Variants in ACSF2 observed in about 807,000 individuals in gnomAD.
ACSF2 encodes the protein medium-chain acyl-CoA ligase ACSF2, mitochondrial.
Under a neutral mutation model 79.3 loss-of-function variants are expected in ACSF2, and 52 were observed. That is an observed-to-expected ratio of 0.66 (90% CI 0.53 to 0.83). The LOEUF (loss-of-function observed/expected upper bound fraction) is 0.83. Among genes scored for constraint, ACSF2 ranks in the 40% least tolerant of loss-of-function variants. The pLI, the probability that ACSF2 is intolerant of heterozygous loss-of-function variation, is 0.00. For synonymous variants in ACSF2, 283 were observed against 312.6 expected (o/e 0.91, Z 1.00); for missense variants, 661 against 803.3 (o/e 0.82, Z 2.14).
chr17:50,474,491 C>A lies in ACSF2; in HGVS notation c.1798-11C>A. ...CAGCTGGTAACCCTAACTCCATTTT[C>A]TTTCCTCTAGATCCAGAAATTCAAA... On this transcript the variant is annotated splice_polypyrimidine_tract_variant and intron_variant, in intron 15 of 15. Transcript: ENST00000300441. This position sits in a 1 kb window ranked among gnomAD's most constrained non-coding sequence, Gnocchi z 4.2. 1.2e-6 allele frequency: 2 copies of A among 1,613,972 alleles called. No individual in the cohort carries two copies. Among genetic ancestry groups the A allele is most frequent in the Non-Finnish European group, 1.7e-6 (2 of 1,179,842 alleles).
At chr17:50,450,916 A>T (rs2031631658) in intron 1 of ACSF2, among the ~76,000 whole-genome samples, 1 of 151,930 alleles carries the variant, frequency 6.6e-6, no homozygotes, top group Non-Finnish European at 1.5e-5. Flanking sequence ...TGCTGCTGTA[A>T]ACATTCATGT....
intron 1 of ACSF2, among the ~76,000 whole-genome samples, chr17:50,453,076 G>A (rs781156550): frequency 6.6e-6 from 1 of 152,140 alleles, no homozygotes; most frequent in African/African-American, 2.4e-5. Context: ...TGGCTGTAAC[G>A]TTGAGGCAGT....
chr17:50,455,774 A>C (rs2031954126), intron 1 of ACSF2, among the ~76,000 whole-genome samples: 1 of 152,214 alleles, frequency 6.6e-6, no homozygotes, highest in Admixed American at 6.5e-5. Flanking sequence ...GCACACCTGC[A>C]TTGAGACCTC....
intron 10 of ACSF2, among the ~76,000 whole-genome samples, chr17:50,467,412 C>T (rs1035616547): frequency 3.9e-5 from 6 of 152,220 alleles, no homozygotes; most frequent in South Asian, 4.1e-4. Flanking sequence ...CTTGGTCCCA[C>T]GCCTACTGAG....
rs770585536 is a variant in ACSF2 at position 50,426,344 on chromosome 17, C to T, written c.83C>T (p.Ser28Phe). ...GTGCTGGGGGCCCGGGCCGCCCTCT[C>T]TCGGAGTTGGCAGGAAGCCAGGTTG... ...SGVLGARAAL[S>F]RSWQEARLQG... The change falls in exon 1 of 16, where the codon TCT becomes TTT. Residue 28 changes from serine to phenylalanine, a missense_variant. Ser to Phe is a radical substitution (Grantham distance 155). Transcript: ENST00000300441. 2 of 1,424,212 alleles carry T rather than the reference C, an allele frequency of 1.4e-6. No homozygotes were observed. The highest frequency in any genetic ancestry group is 2.8e-5 in the East Asian group (1 of 35,520). The allele number at this position is 1,424,212 out of a possible 1,614,324, so 88.2% of individuals were successfully genotyped here. A position where few individuals can be genotyped will look rare whatever the true frequency, so the allele number is the denominator to read the frequency against.
intron 10 of ACSF2, among the ~76,000 whole-genome samples, chr17:50,469,470 G>T (rs982267184): frequency 6.6e-6 from 1 of 152,146 alleles, no homozygotes. Flanking sequence ...GTAGACCCGA[G>T]CTCCTTCCCC....
chr17:50,463,228 G>C lies in ACSF2; in HGVS notation c.865G>C (p.Glu289Gln). The stretch of plus-strand genomic sequence containing the variant: ...TGTCAACAACTCCAACATTTTAGGA[G>C]AGCGCCTGAAACTGCATGAGAAGGT... ...NIVNNSNILG[E>Q]RLKLHEKTPE... The change falls in exon 7 of 16, where the codon GAG (glutamate) becomes CAG (glutamine). Residue 289 changes from glutamate to glutamine, a missense_variant. Physicochemically the swap from Glu to Gln is conservative, Grantham distance 29. Coordinates refer to ENST00000300441, the MANE Select transcript of ACSF2 (RefSeq NM_025149.6). This position sits in a 1 kb window ranked among gnomAD's most constrained non-coding sequence, Gnocchi z 4.6. 1 of 1,614,108 alleles carries C rather than the reference G, an allele frequency of 6.2e-7. No individual in the cohort carries two copies. The highest frequency in any genetic ancestry group is 1.1e-5 in the South Asian group (1 of 91,078).
intron 1 of ACSF2, among the ~76,000 whole-genome samples, chr17:50,434,289 A>G (rs1204707576): frequency 6.6e-6 from 1 of 152,088 alleles, no homozygotes; most frequent in Non-Finnish European, 1.5e-5. Context: ...ACCACACTCT[A>G]GCCTCAGTGA....
intron 1 of ACSF2, among the ~76,000 whole-genome samples, chr17:50,433,341 G>A (rs1163720876): frequency 1.3e-5 from 2 of 151,916 alleles, no homozygotes; most frequent in South Asian, 2.1e-4. Flanking sequence ...TCCTGACCTC[G>A]TGATCCGCCT....
Position 50,463,735 on chromosome 17 carries a change from G to A in ACSF2, c.1047-83G>A, listed in dbSNP as rs2032494719. The A allele has an allele frequency of 3.3e-6, 5 of 1,518,426 alleles. No homozygotes were observed. The African/African-American group carries it at 5.5e-5, about 17-fold the overall frequency. 94.1% of individuals were successfully genotyped at this position (1,518,426 alleles called of 1,614,324 possible). A position where few individuals can be genotyped will look rare whatever the true frequency, so the allele number is the denominator to read the frequency against. ...GGAGCTTCTCCTGCCTATTCCCTTT[G>A]CTGCAGTTTCATGGCGGGGTGGGTG... is the stretch of plus-strand genomic sequence containing the variant. On this transcript the variant is annotated intron_variant, in intron 8 of 15. Coordinates refer to ENST00000300441, the MANE Select transcript of ACSF2 (RefSeq NM_025149.6). The surrounding 1 kb of genome is among the most constrained non-coding windows in gnomAD (Gnocchi z 4.6).
intron 1 of ACSF2, among the ~76,000 whole-genome samples, chr17:50,457,953 C>T (rs764454192): frequency 2.6e-5 from 4 of 152,142 alleles, no homozygotes; most frequent in Non-Finnish European, 5.9e-5. Flanking sequence ...CAGATTCTCC[C>T]GGTCCACTCC....
intron 1 of ACSF2, among the ~76,000 whole-genome samples, chr17:50,431,701 C>T (rs1039581194): frequency 6.6e-6 from 1 of 152,000 alleles, no homozygotes; most frequent in African/African-American, 2.4e-5. Context: ...TGAAGTATTG[C>T]CCAGGTTGGT....
chr17:50,431,730 G>A (rs1315721346), intron 1 of ACSF2, among the ~76,000 whole-genome samples: 2 of 152,022 alleles, frequency 1.3e-5, no homozygotes, highest in African/African-American at 4.8e-5. Flanking sequence ...CCTGCCTCAA[G>A]CCATCCTCCT....
chr17:50,427,796 T>A (rs940212063), intron 1 of ACSF2, among the ~76,000 whole-genome samples: 5 of 152,214 alleles, frequency 3.3e-5, no homozygotes, highest in Middle Eastern at 3.2e-3. Context: ...GACTTTTTTT[T>A]ATCTATAAAC....
intron 10 of ACSF2, among the ~76,000 whole-genome samples, chr17:50,469,404 A>G (rs890337856): frequency 1.3e-5 from 2 of 152,062 alleles, no homozygotes; most frequent in Non-Finnish European, 2.9e-5. Context: ...CGAGCGTGAG[A>G]GCCGCCCCGG....
intron 10 of ACSF2, among the ~76,000 whole-genome samples, chr17:50,467,154 C>T (rs1555612393): frequency 6.6e-6 from 1 of 152,222 alleles, no homozygotes; most frequent in Non-Finnish European, 1.5e-5. Flanking sequence ...CTGCTCTGAT[C>T]CAAGGTAGCC....
intron 10 of ACSF2, chr17:50,465,872 TG>T (rs2032674979): frequency 6.2e-7 from 1 of 1,613,450 alleles, no homozygotes; most frequent in South Asian, 1.1e-5. Context: ...ATCTGAGAAC[TG>T]GGGAGCAAGG....
chr17:50,434,099 A>G (rs971685367), intron 1 of ACSF2, among the ~76,000 whole-genome samples: 2 of 151,628 alleles, frequency 1.3e-5, no homozygotes, highest in Non-Finnish European at 2.9e-5. Flanking sequence ...GGATCGCTTG[A>G]GCCCAGAAGT....
chr17:50,441,448 T>C (rs1306376052), intron 1 of ACSF2, among the ~76,000 whole-genome samples: 1 of 152,246 alleles, frequency 6.6e-6, no homozygotes, highest in African/African-American at 2.4e-5. Context: ...GTGGTGAGAT[T>C]ACAGGCGTGA....
Sources: gnomAD v4.1 joint callset for allele counts (sites outside exome capture counted in the v4.1 genomes callset) on GRCh38, gnomAD v4.1.1 for gene constraint, Gnocchi (gnomAD v3.1) non-coding constraint, MANE v1.5 for transcripts, NCBI Gene and HGNC (gene_info 2026-07-23, HGNC 2026-07-21) for gene names.